MFSD2A: variants seen among roughly 807,000 people sequenced by gnomAD.
MFSD2A encodes MFSD2 lysolipid transporter A, lysophospholipid, also known as sodium-dependent lysophosphatidylcholine symporter 1.
MFSD2A carries 27 observed loss-of-function variants against 64.7 expected under a neutral mutation model. That is an observed-to-expected ratio of 0.42 (90% CI 0.31 to 0.58). The LOEUF (loss-of-function observed/expected upper bound fraction) is 0.58. Among genes scored for constraint, MFSD2A ranks in the 20% least tolerant of loss-of-function variants. MFSD2A has a pLI of 0.18. For missense variants in MFSD2A, 474 were observed against 679.5 expected (o/e 0.70, Z 3.36); for synonymous variants, 258 against 273.4 (o/e 0.94, Z 0.55).
chr1:39,955,234 G>A lies in MFSD2A; in HGVS notation c.-59G>A, dbSNP rs967188657. ...CGAAGCGAGCTTGGGAGGAGCAGCG[G>A]CCTGCGGGGCAGAGGAGCATCCCGT... On this transcript the variant is annotated 5_prime_UTR_variant, in exon 1 of 14. Transcript: ENST00000372811. This position sits in a 1 kb window ranked among gnomAD's most constrained non-coding sequence, Gnocchi z 5.9. 4 of 1,304,056 alleles carry A rather than the reference G, an allele frequency of 3.1e-6. No individual in the cohort carries two copies. In the South Asian group the frequency reaches 6.3e-5, roughly 21 times the overall value. The allele number at this position is 1,304,056 out of a possible 1,614,324, so 80.8% of individuals were successfully genotyped here.
chr1:39,969,323 T>C (rs1645233184), intron 13 of MFSD2A, among the ~76,000 whole-genome samples, 182 bp from the exon 14 acceptor site: 1 of 144,552 alleles, frequency 6.9e-6, no homozygotes, highest in Non-Finnish European at 1.5e-5. Context: ...CAGTACCCTG[T>C]GTGCAGCAAG....
chr1:39,969,429 G>C, intron 13 of MFSD2A, 76 bp from the exon 14 acceptor site: 1 of 1,323,306 alleles, frequency 7.6e-7, no homozygotes, highest in South Asian at 1.3e-5. Flanking sequence ...AAGATCACGT[G>C]AGGAAGGAGG....
Position 39,955,540 on chromosome 1 carries a change from C to T in MFSD2A, c.93+155C>T, listed in dbSNP as rs1644907038. 1 of 824,870 alleles carries T rather than the reference C, an allele frequency of 1.2e-6. No individual in the cohort carries two copies. 51.1% of individuals were successfully genotyped at this position (824,870 alleles called of 1,614,324 possible). A position where few individuals can be genotyped will look rare whatever the true frequency, so the allele number is the denominator to read the frequency against. On this transcript the variant is annotated intron_variant, in intron 1 of 13. Coordinates refer to ENST00000372811, the MANE Select transcript of MFSD2A (RefSeq NM_032793.5). The surrounding 1 kb of genome is among the most constrained non-coding windows in gnomAD (Gnocchi z 5.9). ...GAGAGGACCTGGGGGTGCCCTGGGA[C>T]AGGGGGTGACGGAGAAAAGCTGTGG...
In MFSD2A at chr1:39,966,911, CTT is replaced by C; in HGVS notation, c.907_908del (p.Phe303HisfsTer25). Reference sequence around the variant, plus strand: ...ACATCAAACTTATTACTGGCTTCCTCTTCACCTCCTTGGCTTTCATGGTGAGT... The same window carrying C: ...ACATCAAACTTATTACTGGCTTCCTCCACCTCCTTGGCTTTCATGGTGAGT... ...PYIKLITGFL[F>X]TSLAFMLVEG... is the part of the protein sequence containing the mutation. On this transcript the variant is annotated frameshift_variant, in exon 8 of 14. Transcript: ENST00000372811. LOFTEE classifies it high-confidence loss of function. 6.2e-7 allele frequency: 1 copy of C among 1,613,480 alleles called. No homozygotes were observed. The highest frequency in any genetic ancestry group is 8.5e-7 in the Non-Finnish European group (1 of 1,180,038).
Position 39,965,537 on chromosome 1 carries a change from G to A in MFSD2A, c.544G>A (p.Ala182Thr), listed in dbSNP as rs1288231344. ...CACCGAGCAGACTGAGCGGGATTCT[G>A]CCACCGCCTATCGTGAGTCTCCCCA... ...ISTEQTERDS[A>T]TAYRMTVEVL... is the part of the protein sequence containing the mutation. Residue 182 changes from alanine to threonine, a missense_variant, in exon 5 of 14, where the codon GCC (alanine) becomes ACC (threonine). Physicochemically the swap from Ala to Thr is moderately conservative, Grantham distance 58. Transcript: ENST00000372811. The surrounding 1 kb of genome is among the most constrained non-coding windows in gnomAD (Gnocchi z 5.5). The A allele has an allele frequency of 1.9e-6, 3 of 1,614,024 alleles. No homozygotes were observed. The highest frequency in any genetic ancestry group is 1.7e-5 in the Admixed American group (1 of 60,014).
Position 39,967,931 on chromosome 1 carries a change from G to GC in MFSD2A, c.1208+21dup, listed in dbSNP as rs778918858. On this transcript the variant is annotated intron_variant, in intron 11 of 13. Coordinates refer to ENST00000372811, the MANE Select transcript of MFSD2A (RefSeq NM_032793.5). Reference sequence around the variant, plus strand: ...TTACTACCCTGGTAGGTATATACAGGCCCCCCTCCTCGGGTATCTCCAGCC... The same window carrying GC: ...TTACTACCCTGGTAGGTATATACAGGCCCCCCCTCCTCGGGTATCTCCAGCC... 6.5e-7 allele frequency: 1 copy of GC among 1,536,704 alleles called. No homozygotes were observed. Among genetic ancestry groups the GC allele is most frequent in the Non-Finnish European group, 9.0e-7 (1 of 1,116,832 alleles).
Position 39,960,290 on chromosome 1 carries a change from C to T in MFSD2A, c.353+1465C>T, listed in dbSNP as rs1244135828. Among the ~76,000 whole-genome samples, 4 of 152,204 alleles carry T rather than the reference C, an allele frequency of 2.6e-5. No homozygotes were observed. The highest frequency in any genetic ancestry group is 5.9e-5 in the Non-Finnish European group (4 of 68,018). On this transcript the variant is annotated intron_variant, in intron 3 of 13. Transcript: ENST00000372811. This position sits in a 1 kb window ranked among gnomAD's most constrained non-coding sequence, Gnocchi z 4.8. ...CCAGGCTTAAGTGGGCGCCTTCCTGCCCCAGGGGCGCCCATACCTGGCCTC... is the reference window on the plus strand; with the variant it reads ...CCAGGCTTAAGTGGGCGCCTTCCTGTCCCAGGGGCGCCCATACCTGGCCTC...
At position 39,965,621 on chromosome 1, in the gene MFSD2A, A is replaced by G; in HGVS notation, c.556+72A>G. On this transcript the variant is annotated intron_variant, in intron 5 of 13. Coordinates refer to ENST00000372811, the MANE Select transcript of MFSD2A (RefSeq NM_032793.5). The surrounding 1 kb of genome is among the most constrained non-coding windows in gnomAD (Gnocchi z 5.5). ...GCCATACTTCTTCCCTTGCGGGTCCAGCTCTTTGCTCTGCTCTAGAGTGTG... is the reference window on the plus strand; with the variant it reads ...GCCATACTTCTTCCCTTGCGGGTCCGGCTCTTTGCTCTGCTCTAGAGTGTG... The G allele has an allele frequency of 6.7e-7, 1 of 1,490,104 alleles. No homozygotes were observed. The highest frequency in any genetic ancestry group is 9.4e-7 in the Non-Finnish European group (1 of 1,068,928). 92.3% of individuals were successfully genotyped at this position (1,490,104 alleles called of 1,614,324 possible). A position where few individuals can be genotyped will look rare whatever the true frequency, so the allele number is the denominator to read the frequency against.
chr1:39,968,038 A>G lies in MFSD2A; in HGVS notation c.1208+122A>G, dbSNP rs999751654. The G allele has an allele frequency of 4.5e-6, 3 of 672,034 alleles. No individual in the cohort carries two copies. In the African/African-American group the frequency reaches 5.4e-5, roughly 12 times the overall value. The allele number at this position is 672,034 out of a possible 1,614,324, so 41.6% of individuals were successfully genotyped here. A position where few individuals can be genotyped will look rare whatever the true frequency, so the allele number is the denominator to read the frequency against. ...GGCCATTCTGTGGGTCCAGGTTAGG[A>G]GTGGGGGAGGTCTGTCCTGTACAGT... On this transcript the variant is annotated intron_variant, in intron 11 of 13. Coordinates refer to ENST00000372811, the MANE Select transcript of MFSD2A (RefSeq NM_032793.5). The surrounding 1 kb of genome is among the most constrained non-coding windows in gnomAD (Gnocchi z 4.4).
chr1:39,962,035 C>A (rs928924561), intron 3 of MFSD2A, among the ~76,000 whole-genome samples: 1 of 152,214 alleles, frequency 6.6e-6, no homozygotes, highest in Non-Finnish European at 1.5e-5. Context: ...CACTTAGTGT[C>A]CCAAACACTG....
rs1250419755 is a variant in MFSD2A, at chr1:39,965,826, C to T, written c.557-31C>T. 6.2e-7 allele frequency: 1 copy of T among 1,611,228 alleles called. No individual in the cohort carries two copies. On this transcript the variant is annotated intron_variant, in intron 5 of 13. Transcript: ENST00000372811. The surrounding 1 kb of genome is among the most constrained non-coding windows in gnomAD (Gnocchi z 5.5). Reference sequence around the variant, plus strand: ...TCCCTGGGCCCACAATCCATGAGGCCCCTCCAAAACACCTCCTTTTCTCCT... The same window carrying T: ...TCCCTGGGCCCACAATCCATGAGGCTCCTCCAAAACACCTCCTTTTCTCCT...
In MFSD2A at chr1:39,969,680, C is replaced by A; in HGVS notation, c.*112C>A. ...CAGGTGCTAGGAAGGGAACTGAAGA[C>A]TCAAGGAGGTGGCCCAGGACACTTG... is the stretch of plus-strand genomic sequence containing the variant. On this transcript the variant is annotated 3_prime_UTR_variant, in exon 14 of 14. Transcript: ENST00000372811. The A allele has an allele frequency of 9.3e-7, 1 of 1,071,004 alleles. No homozygotes were observed. Among genetic ancestry groups the A allele is most frequent in the Non-Finnish European group, 1.4e-6 (1 of 731,394 alleles). The allele number at this position is 1,071,004 out of a possible 1,614,324, so 66.3% of individuals were successfully genotyped here.
At chr1:39,957,253 A>C in intron 2 of MFSD2A, 32 bp downstream of exon 2, 1 of 1,519,564 alleles carries the variant, frequency 6.6e-7, no homozygotes, top group Non-Finnish European at 8.8e-7. Flanking sequence ...GGGCTCCTTC[A>C]GCATCCTGAG....
chr1:39,962,768 G>A lies in MFSD2A; in HGVS notation c.354-2443G>A, dbSNP rs1645073191. 3.1e-6 allele frequency: 3 copies of A among 982,736 alleles called. No individual in the cohort carries two copies. The Admixed American group carries it at 5.4e-5, about 18-fold the overall frequency. The allele number at this position is 982,736 out of a possible 1,614,324, so 60.9% of individuals were successfully genotyped here. A position where few individuals can be genotyped will look rare whatever the true frequency, so the allele number is the denominator to read the frequency against. Reference sequence around the variant, plus strand: ...TGGGCCGCTTGGTGAAGGACATGAAGATCAAGTCCCTGCAGGAGATCTATC... The same window carrying A: ...TGGGCCGCTTGGTGAAGGACATGAAAATCAAGTCCCTGCAGGAGATCTATC... On this transcript the variant is annotated intron_variant, in intron 3 of 13. Coordinates refer to ENST00000372811, the MANE Select transcript of MFSD2A (RefSeq NM_032793.5).
rs1645147979 is a variant in MFSD2A, at chr1:39,965,798, T to C, written c.557-59T>C. On this transcript the variant is annotated intron_variant, in intron 5 of 13. Transcript: ENST00000372811. The surrounding 1 kb of genome is among the most constrained non-coding windows in gnomAD (Gnocchi z 5.5). ...CGCTGGGCTCCCACCCATTTGACCT[T>C]CCTCCCTGGGCCCACAATCCATGAG... 6.2e-7 allele frequency: 1 copy of C among 1,601,446 alleles called. No individual in the cohort carries two copies. The highest frequency in any genetic ancestry group is 1.3e-5 in the African/African-American group (1 of 74,652).
Position 39,955,269 on chromosome 1 carries a change from C to T in MFSD2A, c.-24C>T. 7.1e-7 allele frequency: 1 copy of T among 1,401,300 alleles called. No individual in the cohort carries two copies. The highest frequency in any genetic ancestry group is 9.3e-7 in the Non-Finnish European group (1 of 1,076,484). The allele number at this position is 1,401,300 out of a possible 1,614,324, so 86.8% of individuals were successfully genotyped here. ...CAGAGGAGCATCCCGTCTACCAGGTCCCAAGCGGCGTGGCCCGCGGGTCAT... is the reference window on the plus strand; with the variant it reads ...CAGAGGAGCATCCCGTCTACCAGGTTCCAAGCGGCGTGGCCCGCGGGTCAT... On this transcript the variant is annotated 5_prime_UTR_variant, in exon 1 of 14. Coordinates refer to ENST00000372811, the MANE Select transcript of MFSD2A (RefSeq NM_032793.5). The surrounding 1 kb of genome is among the most constrained non-coding windows in gnomAD (Gnocchi z 5.9).
In MFSD2A at chr1:39,958,569, G is replaced by T. The variant is rs578024054; in HGVS notation, c.229-132G>T. 1.1e-5 allele frequency: 15 copies of T among 1,377,718 alleles called. No individual in the cohort carries two copies. Among genetic ancestry groups the T allele is most frequent in the African/African-American group, 5.7e-5 (4 of 70,242 alleles). The allele number at this position is 1,377,718 out of a possible 1,614,324, so 85.3% of individuals were successfully genotyped here. ...AACAAGGCAAGTGAAGATGTGTAAG[G>T]TCCATGTGGGAGCAGCTCAGGGTCA... On this transcript the variant is annotated intron_variant, in intron 2 of 13. Coordinates refer to ENST00000372811, the MANE Select transcript of MFSD2A (RefSeq NM_032793.5). The surrounding 1 kb of genome is among the most constrained non-coding windows in gnomAD (Gnocchi z 4.7).
rs1408827929 is a variant in MFSD2A, at chr1:39,955,422, G to A, written c.93+37G>A. The A allele has an allele frequency of 6.7e-7, 1 of 1,502,892 alleles. No homozygotes were observed. Among genetic ancestry groups the A allele is most frequent in the South Asian group, 1.3e-5 (1 of 76,782 alleles). The allele number at this position is 1,502,892 out of a possible 1,614,324, so 93.1% of individuals were successfully genotyped here. On this transcript the variant is annotated intron_variant, in intron 1 of 13. Coordinates refer to ENST00000372811, the MANE Select transcript of MFSD2A (RefSeq NM_032793.5). The surrounding 1 kb of genome is among the most constrained non-coding windows in gnomAD (Gnocchi z 5.9). Reference sequence around the variant, plus strand: ...GCACCCCGCGTGGAGGGCGAGGGGAGGGAGGAGGCGGAAATGGGGGATCAG... The same window carrying A: ...GCACCCCGCGTGGAGGGCGAGGGGAAGGAGGAGGCGGAAATGGGGGATCAG...
Position 39,969,820 on chromosome 1 carries a change from C to T in MFSD2A, c.*252C>T. 1.9e-6 allele frequency: 1 copy of T among 514,664 alleles called. No individual in the cohort carries two copies. The highest frequency in any genetic ancestry group is 3.4e-6 in the Non-Finnish European group (1 of 296,080). 31.9% of individuals were successfully genotyped at this position (514,664 alleles called of 1,614,324 possible). A position where few individuals can be genotyped will look rare whatever the true frequency, so the allele number is the denominator to read the frequency against. Reference sequence around the variant, plus strand: ...TATGCCAAGGACTGATCGGGCCTAGCCCGGAACACTAATGTAGAAACCTTT... The same window carrying T: ...TATGCCAAGGACTGATCGGGCCTAGTCCGGAACACTAATGTAGAAACCTTT... On this transcript the variant is annotated 3_prime_UTR_variant, in exon 14 of 14. Transcript: ENST00000372811.
Sources: allele counts gnomAD v4.1 joint callset (sites outside exome capture counted in the v4.1 genomes callset), GRCh38; gene constraint gnomAD v4.1.1; non-coding constraint Gnocchi (gnomAD v3.1); transcripts MANE v1.5; gene names NCBI Gene and HGNC (gene_info 2026-07-23, HGNC 2026-07-21).